The following DLG1 variants were observed in gnomAD, a reference collection of about 807,000 sequenced individuals.
DLG1 encodes disks large homolog 1.
Under a neutral mutation model 123.4 loss-of-function variants are expected in DLG1, and 42 were observed. The ratio of observed to expected loss-of-function variants is 0.34; its 90% CI spans 0.27 to 0.44. DLG1 has a LOEUF of 0.44. Ranked by LOEUF, DLG1 falls within the 20% of genes least tolerant of loss-of-function variation. DLG1 has a pLI of 1.00. For synonymous variants in DLG1, 317 were observed against 356.2 expected (o/e 0.89, Z 1.24); for missense variants, 942 against 1,082.6 (o/e 0.87, Z 1.82).
chr3:197,069,051 T>C (rs984859309), intron 19 of DLG1, among the ~76,000 whole-genome samples, 168 bp downstream of exon 19: 1 of 152,086 alleles, frequency 6.6e-6, no homozygotes, highest in Non-Finnish European at 1.5e-5. Flanking sequence ...TCTACATATA[T>C]AGTATGATTT....
chr3:197,133,839 A>G (rs184377345), intron 10 of DLG1, among the ~76,000 whole-genome samples: 2 of 152,308 alleles, frequency 1.3e-5, no homozygotes, highest in African/African-American at 4.8e-5. Flanking sequence ...AAAAAGTGTT[A>G]GAAGGAGGAA....
intron 24 of DLG1, among the ~76,000 whole-genome samples, chr3:197,051,229 T>G (rs1727413392): frequency 6.6e-6 from 1 of 151,942 alleles, no homozygotes; most frequent in African/African-American, 2.4e-5. Flanking sequence ...CAAAATTAGC[T>G]GGGCGTGGTG....
chr3:197,167,838 CTGT>C (rs1374246946), intron 5 of DLG1, among the ~76,000 whole-genome samples: 1 of 152,136 alleles, frequency 6.6e-6, no homozygotes, highest in Admixed American at 6.5e-5. Flanking sequence ...CCTTGTGCCT[CTGT>C]TGTTTTTTGT....
chr3:197,128,913 G>C (rs922536880), intron 11 of DLG1, among the ~76,000 whole-genome samples: 21 of 152,196 alleles, frequency 1.4e-4, no homozygotes, highest in African/African-American at 5.1e-4. Flanking sequence ...GCTGTCAACA[G>C]ATATGCTGTC....
chr3:197,179,034 G>C (rs113754617), intron 5 of DLG1, among the ~76,000 whole-genome samples: 2 of 152,122 alleles, frequency 1.3e-5, no homozygotes, highest in Non-Finnish European at 2.9e-5. Flanking sequence ...ATATGGGTAA[G>C]CTTTAGGCAC....
At chr3:197,270,028 A>G (rs1375155512) in intron 4 of DLG1, among the ~76,000 whole-genome samples, 1 of 152,210 alleles carries the variant, frequency 6.6e-6, no homozygotes, top group Non-Finnish European at 1.5e-5. Context: ...GCAAAAGGCT[A>G]AAGTTGGAAG....
chr3:197,298,408 C>T (rs886367555), intron 1 of DLG1, 128 bp downstream of exon 1: 7 of 398,442 alleles, frequency 1.8e-5, no homozygotes, highest in African/African-American at 1.2e-4. Context: ...CTGGAGGAGC[C>T]CGCCTTTACC....
At chr3:197,141,976 G>A (rs969499085) in intron 7 of DLG1, among the ~76,000 whole-genome samples, 1 of 152,118 alleles carries the variant, frequency 6.6e-6, no homozygotes, top group Non-Finnish European at 1.5e-5. Context: ...CAAAGTGCTG[G>A]GATTACAGGC....
intron 14 of DLG1, among the ~76,000 whole-genome samples, chr3:197,094,321 G>GT (rs1479022249): frequency 2.0e-5 from 3 of 152,204 alleles, no homozygotes; most frequent in Non-Finnish European, 4.4e-5. Flanking sequence ...TGAAGCAACA[G>GT]TAACTGGAGC....
At chr3:197,214,523 A>G (rs955304419) in intron 4 of DLG1, among the ~76,000 whole-genome samples, 5 of 152,132 alleles carry the variant, frequency 3.3e-5, no homozygotes, top group African/African-American at 9.7e-5. Context: ...TAGTGAGCCG[A>G]GACAGCGCCA....
At chr3:197,120,293 C>T (rs1160864793) in intron 11 of DLG1, among the ~76,000 whole-genome samples, 4 of 136,104 alleles carry the variant, frequency 2.9e-5, no homozygotes, top group Non-Finnish European at 6.4e-5. Flanking sequence ...AAAAAAAAAG[C>T]AAAAACCAAA....
chr3:197,292,878 T>C (rs992883251), intron 3 of DLG1, among the ~76,000 whole-genome samples: 9 of 152,200 alleles, frequency 5.9e-5, no homozygotes, highest in Admixed American at 5.2e-4. Context: ...CCAGTTTTTC[T>C]CATGCACAAG....
chr3:197,188,373 C>T (rs962611792), intron 5 of DLG1, among the ~76,000 whole-genome samples: 5 of 149,778 alleles, frequency 3.3e-5, no homozygotes, highest in Non-Finnish European at 7.4e-5. Flanking sequence ...TCACATCATA[C>T]TGTGTTAACT....
In DLG1 at chr3:197,225,248, T is replaced by C. The variant is rs188139749; in HGVS notation, c.319-30659A>G. Reference sequence around the variant, plus strand: ...TTTGATTGCAGAAATCAGGTAAAAATGCACCCGCTCTTTGTTCCATCTAAT... The same window carrying C: ...TTTGATTGCAGAAATCAGGTAAAAACGCACCCGCTCTTTGTTCCATCTAAT... On this transcript the variant is annotated intron_variant, in intron 4 of 24. Transcript: ENST00000667157. Among the ~76,000 whole-genome samples the C allele has an allele frequency of 3.9e-4, 59 of 152,302 alleles. No individual in the cohort carries two copies. In the East Asian group the frequency reaches 9.6e-3, roughly 25 times the overall value.
intron 19 of DLG1, chr3:197,068,356 C>A: frequency 1.7e-6 from 1 of 604,644 alleles, no homozygotes; most frequent in African/African-American, 1.9e-5. Context: ...TAATAAAATG[C>A]TGAAATACAG....
At chr3:197,047,858 C>G (rs1262002220) in intron 24 of DLG1, among the ~76,000 whole-genome samples, 1 of 152,046 alleles carries the variant, frequency 6.6e-6, no homozygotes, top group African/African-American at 2.4e-5. Context: ...TCACACTGGT[C>G]TTGGATGATT....
At chr3:197,066,588 T>C (rs925399794) in intron 20 of DLG1, 116 bp downstream of exon 20, 3 of 611,592 alleles carry the variant, frequency 4.9e-6, no homozygotes, top group African/African-American at 4.3e-5. Context: ...TCTACATGTA[T>C]ATGTAGTAAA....
At chr3:197,073,925 A>T (rs759040957) in intron 18 of DLG1, among the ~76,000 whole-genome samples, 3 of 151,838 alleles carry the variant, frequency 2.0e-5, no homozygotes, top group Non-Finnish European at 2.9e-5. Flanking sequence ...CCTGATGACT[A>T]CCTACATTAA....
At chr3:197,291,392 G>T (rs528938740) in intron 3 of DLG1, among the ~76,000 whole-genome samples, 2 of 150,900 alleles carry the variant, frequency 1.3e-5, no homozygotes, top group South Asian at 4.2e-4. Context: ...TAATGCAAAA[G>T]AAATTTAAGA....
Sources: allele counts gnomAD v4.1 joint callset (sites outside exome capture counted in the v4.1 genomes callset), GRCh38; gene constraint gnomAD v4.1.1; transcripts MANE v1.5; gene names NCBI Gene and HGNC (gene_info 2026-07-23, HGNC 2026-07-21).